HK1: variants seen among roughly 807,000 people sequenced by gnomAD.
HK1 encodes the protein hexokinase-1.
In HK1, 28 loss-of-function variants were observed where a neutral mutation model predicts 91.6. That is an observed-to-expected ratio of 0.31 (90% confidence interval 0.23 to 0.42). The LOEUF (loss-of-function observed/expected upper bound fraction) is 0.42, where lower values mean the gene tolerates loss of function less well. Ranked by LOEUF, HK1 falls within the 10% of genes least tolerant of loss-of-function variation. The pLI is 1.00. For missense variants in HK1, 770 were observed against 1,219.8 expected (o/e 0.63, Z 5.49); for synonymous variants, 430 against 468.1 (o/e 0.92, Z 1.05).
upstream of HK1, among the ~76,000 whole-genome samples, chr10:69,311,005 C>T (rs10159490): frequency 0.069 from 10,395 of 150,856 alleles, 863 homozygotes; most frequent in African/African-American, 0.2. Flanking sequence ...TGCAGTGAGC[C>T]GAGACTGCAC....
At chr10:69,336,645 T>C (rs906317901) in intron 1 of HK1, among the ~76,000 whole-genome samples, 1 of 147,546 alleles carries the variant, frequency 6.8e-6, no homozygotes, top group Non-Finnish European at 1.5e-5. Flanking sequence ...GCCTTTTTTT[T>C]TTTTTTTTTT....
intron 7 of HK1, among the ~76,000 whole-genome samples, chr10:69,373,135 C>G (rs1415911296): frequency 6.6e-6 from 1 of 152,192 alleles, no homozygotes; most frequent in African/African-American, 2.4e-5. Context: ...TCTCAAAGTT[C>G]TGGGATTACA....
intron 8 of HK1, 67 bp downstream of exon 8, chr10:69,377,156 A>C (rs1839158475): frequency 3.2e-6 from 5 of 1,577,848 alleles, no homozygotes; most frequent in South Asian, 1.1e-5. Context: ...GTCCCTTGTT[A>C]CTTCTTGAGT....
chr10:69,276,162 A>ACACAC (rs1564746945), intron 1 of HK1, among the ~76,000 whole-genome samples: 22 of 134,338 alleles, frequency 1.6e-4, no homozygotes, highest in African/African-American at 5.9e-4. Context: ...TTCTATATTA[A>ACACAC]ATAAGTAATT....
At chr10:69,290,638 A>T (rs925537039) in intron 3 of HK1, among the ~76,000 whole-genome samples, 25 of 152,198 alleles carry the variant, frequency 1.6e-4, no homozygotes, top group Admixed American at 8.5e-4. Context: ...AGCCGGGATT[A>T]CAGGCTCCCG....
intron 4 of HK1, among the ~76,000 whole-genome samples, chr10:69,299,725 A>G (rs139408580): frequency 0.022 from 3,246 of 147,086 alleles, 204 homozygotes; most frequent in African/African-American, 0.077. Flanking sequence ...GCAGTGGCGC[A>G]ATCTCGGCTC....
At chr10:69,279,604 A>G (rs770807715) in intron 1 of HK1, among the ~76,000 whole-genome samples, 1 of 152,180 alleles carries the variant, frequency 6.6e-6, no homozygotes, top group African/African-American at 2.4e-5. Flanking sequence ...TTCTCCAGAA[A>G]CTAAGTAGAT....
intron 4 of HK1, chr10:69,295,754 T>C: frequency 1.0e-6 from 1 of 977,986 alleles, no homozygotes; most frequent in Non-Finnish European, 1.6e-6. Flanking sequence ...CAATCCCCTT[T>C]GGGATAATGA....
At chr10:69,338,372 A>G (rs1848106054) in intron 1 of HK1, 2 of 1,191,904 alleles carry the variant, frequency 1.7e-6, no homozygotes, top group African/African-American at 1.6e-5. Flanking sequence ...GCGCCTTCCC[A>G]TTTCCATCCC....
At chr10:69,363,980 A>G (rs1849566449) in intron 3 of HK1, among the ~76,000 whole-genome samples, 1 of 152,250 alleles carries the variant, frequency 6.6e-6, no homozygotes, top group Non-Finnish European at 1.5e-5. Context: ...ACTGTCATCC[A>G]CATGGTGTCG....
At position 69,369,225 on chromosome 10, in the gene HK1, A is replaced by T; in HGVS notation, c.592-12A>T. 1.3e-6 allele frequency: 2 copies of T among 1,599,452 alleles called. No individual in the cohort carries two copies. Among genetic ancestry groups the T allele is most frequent in the South Asian group, 2.2e-5 (2 of 90,768 alleles). ...TGTGAGTGGACAATGACACCCCGTT[A>T]TCTGTCCCCAGGACTATGATGCCAA... On this transcript the variant is annotated splice_polypyrimidine_tract_variant and intron_variant, in intron 5 of 17. Coordinates refer to ENST00000359426, the MANE Select transcript of HK1 (RefSeq NM_000188.3). This position sits in a 1 kb window ranked among gnomAD's most constrained non-coding sequence, Gnocchi z 4.4.
In HK1 at chr10:69,369,263, G is replaced by T. The variant is rs141258173; in HGVS notation, c.618G>T (p.Val206=). ...RGDYDANIVA[V]VNDTVGTMMT... is the part of the protein sequence containing the mutation. ...ACTATGATGCCAACATCGTAGCTGT[G>T]GTGAATGACACAGTGGGCACCATGA... Residue 206 remains valine (V), a synonymous_variant, in exon 6 of 18, where the codon GTG becomes GTT. Coordinates refer to ENST00000359426, the MANE Select transcript of HK1 (RefSeq NM_000188.3). This position sits in a 1 kb window ranked among gnomAD's most constrained non-coding sequence, Gnocchi z 4.4. 3.5e-5 allele frequency: 57 copies of T among 1,614,130 alleles called. No homozygotes were observed. The African/African-American group carries it at 7.5e-4, about 21-fold the overall frequency.
rs531954778 is a variant in HK1, at chr10:69,378,888, G to T, written c.1032-974G>T. 2.9e-4 allele frequency among the ~76,000 whole-genome samples: 44 copies of T among 152,136 alleles called. 2 individuals carry two copies. In the South Asian group the frequency reaches 9.1e-3, roughly 32 times the overall value. ...TTGGTCTTTATGAATATATTTATAT[G>T]GACAGAATTAAGATAAACAAAATTG... On this transcript the variant is annotated intron_variant, in intron 8 of 17. Transcript: ENST00000359426.
At chr10:69,276,502 T>C (rs188103387) in intron 1 of HK1, among the ~76,000 whole-genome samples, 2 of 151,550 alleles carry the variant, frequency 1.3e-5, no homozygotes, top group African/African-American at 4.8e-5. Flanking sequence ...CTACTAAAAA[T>C]ACAAAAATTA....
intron 2 of HK1, among the ~76,000 whole-genome samples, chr10:69,288,442 A>G (rs759205428): frequency 4.6e-5 from 7 of 152,188 alleles, no homozygotes; most frequent in Non-Finnish European, 8.8e-5. Context: ...GCAGTGAGCT[A>G]TGATGGCGCC....
intron 1 of HK1, among the ~76,000 whole-genome samples, chr10:69,272,415 T>A (rs1844214838): frequency 6.6e-6 from 1 of 152,216 alleles, no homozygotes; most frequent in Non-Finnish European, 1.5e-5. Context: ...AGATCTTAGA[T>A]GGCAGATCTA....
At chr10:69,397,508 TGAC>T in intron 16 of HK1, among the ~76,000 whole-genome samples, 1 of 152,234 alleles carries the variant, frequency 6.6e-6, no homozygotes, top group Non-Finnish European at 1.5e-5. Context: ...GTACTGTGTA[TGAC>T]AAGACGCCTA....
intron 17 of HK1, 143 bp from the exon 18 acceptor site, chr10:69,400,848 G>A: frequency 6.9e-6 from 6 of 865,550 alleles, no homozygotes; most frequent in South Asian, 6.9e-5. Flanking sequence ...CGATGCTTAT[G>A]TCCTGATAAA....
At chr10:69,371,316 AC>A (rs59530954) in intron 7 of HK1, among the ~76,000 whole-genome samples, 114 of 131,282 alleles carry the variant, frequency 8.7e-4, no homozygotes, top group South Asian at 4.3e-3. Context: ...TTTTTACCAT[AC>A]CCCCCCCCAC....
Sources: allele counts gnomAD v4.1 joint callset (sites outside exome capture counted in the v4.1 genomes callset), GRCh38; gene constraint gnomAD v4.1.1; non-coding constraint Gnocchi (gnomAD v3.1); transcripts MANE v1.5; gene names NCBI Gene and HGNC (gene_info 2026-07-23, HGNC 2026-07-21).